GNAL: variants seen among roughly 807,000 people sequenced by gnomAD.
GNAL encodes the protein guanine nucleotide-binding protein G(olf) subunit alpha.
A neutral mutation model predicts 55.1 loss-of-function variants in GNAL; 18 were observed. That is an observed-to-expected ratio of 0.33 (90% CI 0.23 to 0.48). GNAL has a LOEUF of 0.48. GNAL is among the 20% of genes least tolerant of loss of function. The pLI is 0.99. For synonymous variants in GNAL, 253 were observed against 237.0 expected, an observed-to-expected ratio of 1.07 and a Z score of -0.62; for missense variants, 412 against 614.1, an observed-to-expected ratio of 0.67 and a Z score of 3.48.
chr18:11,848,333 A>T (rs572142747), intron 5 of GNAL, among the ~76,000 whole-genome samples: 1 of 152,274 alleles, frequency 6.6e-6, no homozygotes, highest in African/African-American at 2.4e-5. Context: ...CTCTGGGAAG[A>T]TGGCTTCTGG....
At chr18:11,831,644 C>G (rs2035385930) in intron 5 of GNAL, among the ~76,000 whole-genome samples, 2 of 152,266 alleles carry the variant, frequency 1.3e-5, no homozygotes, top group South Asian at 4.1e-4. Context: ...TCAGGCGTTT[C>G]AACTTTGCCA....
chr18:11,787,077 T>TACA (rs922860849), intron 4 of GNAL, among the ~76,000 whole-genome samples: 26 of 152,286 alleles, frequency 1.7e-4, no homozygotes, highest in African/African-American at 6.0e-4. Context: ...ACCTCATTTC[T>TACA]ACAATAATAA....
At chr18:11,692,937 A>G (rs575136702) in intron 1 of GNAL, among the ~76,000 whole-genome samples, 1 of 152,154 alleles carries the variant, frequency 6.6e-6, no homozygotes, top group Non-Finnish European at 1.5e-5. Context: ...ATGAGCCACC[A>G]TGCTCTACCT....
At chr18:11,723,741 T>C (rs1254809729) in intron 1 of GNAL, among the ~76,000 whole-genome samples, 1 of 152,116 alleles carries the variant, frequency 6.6e-6, no homozygotes, top group Non-Finnish European at 1.5e-5. Flanking sequence ...GAGGTCCCAC[T>C]CCCCTTTCTT....
chr18:11,850,155 G>T (rs1440989285), intron 5 of GNAL, among the ~76,000 whole-genome samples: 2 of 152,186 alleles, frequency 1.3e-5, no homozygotes, highest in Non-Finnish European at 2.9e-5. Context: ...GCCGAATGAC[G>T]CAAATAATGC....
rs145174809 is a variant in GNAL at position 11,839,992 on chromosome 18, G to A, written c.722+14977G>A. On this transcript the variant is annotated intron_variant, in intron 5 of 11. Coordinates refer to ENST00000334049, the MANE Select transcript of GNAL (RefSeq NM_182978.4). ...GGAAGAAAGTAAAACCTTTCTTAGG[G>A]TAGTGCATGCATTAGCGGTTAGAAT... Among the ~76,000 whole-genome samples, 694 of 152,280 alleles carry A rather than the reference G, an allele frequency of 4.6e-3. 3 individuals are homozygous for A. The highest frequency in any genetic ancestry group is 0.016 in the African/African-American group (654 of 41,552).
At chr18:11,875,726 A>G (rs2036516261) in intron 10 of GNAL, among the ~76,000 whole-genome samples, 1 of 152,202 alleles carries the variant, frequency 6.6e-6, no homozygotes, top group Admixed American at 6.5e-5. Flanking sequence ...ACCATGAGCC[A>G]ATTAAACCTC....
At chr18:11,749,125 CAAA>C (rs368135476) in intron 1 of GNAL, among the ~76,000 whole-genome samples, 14 of 86,566 alleles carry the variant, frequency 1.6e-4, no homozygotes, top group African/African-American at 1.7e-4. Context: ...GACTCCATCT[CAAA>C]AAAAAAAAAA....
intron 9 of GNAL, among the ~76,000 whole-genome samples, chr18:11,870,481 A>AGATCGCACCG (rs2036371898): frequency 6.6e-6 from 1 of 152,182 alleles, no homozygotes; most frequent in South Asian, 2.1e-4. Context: ...AGATCGCACC[A>AGATCGCACCG]CTGAACTCCA....
intron 4 of GNAL, among the ~76,000 whole-genome samples, chr18:11,819,831 T>G (rs922156561): frequency 2.6e-5 from 4 of 151,680 alleles, no homozygotes; most frequent in Non-Finnish European, 5.9e-5. Flanking sequence ...ATGAGATCTA[T>G]AGGGAAGGAA....
At chr18:11,872,583 T>C (rs1353590485) in intron 10 of GNAL, among the ~76,000 whole-genome samples, 185 bp downstream of exon 10, 2 of 152,200 alleles carry the variant, frequency 1.3e-5, no homozygotes, top group Non-Finnish European at 2.9e-5. Flanking sequence ...TCGGATCCCA[T>C]TTGTAAATGT....
intron 5 of GNAL, chr18:11,857,786 G>A (rs1475236239): frequency 6.0e-5 from 58 of 965,150 alleles, no homozygotes; most frequent in East Asian, 1.1e-4. Flanking sequence ...TTGTCACCAC[G>A]TGAGTAATGT....
chr18:11,885,136 G>T lies in GNAL; in HGVS notation c.*4001G>T. On this transcript the variant is annotated 3_prime_UTR_variant, in exon 12 of 12. Transcript: ENST00000334049. ...AGTGGCAAATGTTTTCATTTACTTT[G>T]AATTTGAAAATGTTAGGGTTTCCTC... is the stretch of plus-strand genomic sequence containing the variant. 1 of 1,009,844 alleles carries T rather than the reference G, an allele frequency of 9.9e-7. No homozygotes were observed. Among genetic ancestry groups the T allele is most frequent in the African/African-American group, 1.7e-5 (1 of 57,958 alleles). 62.6% of individuals were successfully genotyped at this position (1,009,844 alleles called of 1,614,324 possible).
At chr18:11,808,185 C>T (rs138949745) in intron 4 of GNAL, among the ~76,000 whole-genome samples, 108 of 152,236 alleles carry the variant, frequency 7.1e-4, no homozygotes, top group African/African-American at 2.4e-3. Flanking sequence ...AATCGCCACT[C>T]TCCCCAGACT....
At chr18:11,821,704 T>G (rs1204645656) in intron 4 of GNAL, among the ~76,000 whole-genome samples, 1 of 152,196 alleles carries the variant, frequency 6.6e-6, no homozygotes, top group East Asian at 1.9e-4. Context: ...GCCTCCAAGC[T>G]GGGGAGCTGC....
intron 4 of GNAL, among the ~76,000 whole-genome samples, chr18:11,810,128 C>T (rs931903257): frequency 6.6e-6 from 1 of 152,222 alleles, no homozygotes; most frequent in Non-Finnish European, 1.5e-5. Context: ...GGGCGGCTCA[C>T]GCCTATAATG....
Position 11,851,686 on chromosome 18 carries a change from A to G in GNAL, c.723-10709A>G. ...ACACGCCGAAAATGCCATCCGCCAG[A>G]AGAACCAGGCGGTGAATTTCTTGAG... On this transcript the variant is annotated intron_variant, in intron 5 of 11. Transcript: ENST00000334049. 4 of 1,614,060 alleles carry G rather than the reference A, an allele frequency of 2.5e-6. No homozygotes were observed. The highest frequency in any genetic ancestry group is 1.1e-5 in the South Asian group (1 of 91,084).
At chr18:11,742,636 G>A (rs540496242) in intron 1 of GNAL, among the ~76,000 whole-genome samples, 3 of 152,324 alleles carry the variant, frequency 2.0e-5, no homozygotes, top group East Asian at 3.9e-4. Context: ...CTGCCAACCT[G>A]CCTCCTGGGC....
At chr18:11,856,059 A>G (rs955808763) in intron 5 of GNAL, among the ~76,000 whole-genome samples, 2 of 150,930 alleles carry the variant, frequency 1.3e-5, no homozygotes, top group African/African-American at 5.0e-5. Flanking sequence ...CTGGCCAAGC[A>G]CACTATAAAG....
Sources: gnomAD v4.1 joint callset for allele counts (sites outside exome capture counted in the v4.1 genomes callset) on GRCh38, gnomAD v4.1.1 for gene constraint, MANE v1.5 for transcripts, NCBI Gene and HGNC (gene_info 2026-07-23, HGNC 2026-07-21) for gene names.